Variants in RAI14 observed in about 807,000 individuals in gnomAD.
RAI14 encodes ankycorbin.
In RAI14, 45 loss-of-function variants were observed where a neutral mutation model predicts 115.4. The ratio of observed to expected loss-of-function variants is 0.39; its 90% CI spans 0.31 to 0.50. The LOEUF is 0.50. Among genes scored for constraint, RAI14 ranks in the 20% least tolerant of loss-of-function variants. The probability of loss-of-function intolerance (pLI) is 0.85; values close to 1 mark genes in which losing one functional copy is unlikely to be tolerated. For synonymous variants in RAI14, 371 were observed against 415.4 expected (o/e 0.89, Z 1.30); for missense variants, 939 against 1,131.2 (o/e 0.83, Z 2.44).
chr5:34,771,087 G>GA (rs1490300844), intron 3 of RAI14, among the ~76,000 whole-genome samples: 1 of 152,170 alleles, frequency 6.6e-6, no homozygotes, highest in Non-Finnish European at 1.5e-5. Context: ...TAAAAGGAAA[G>GA]AAGGGAGTCG....
chr5:34,790,767 C>T (rs373406914), intron 3 of RAI14, among the ~76,000 whole-genome samples: 2 of 144,884 alleles, frequency 1.4e-5, no homozygotes, highest in African/African-American at 5.0e-5. Context: ...TGTATATATA[C>T]ATATATATAT....
intron 2 of RAI14, among the ~76,000 whole-genome samples, chr5:34,692,002 C>T (rs1346783500): frequency 6.6e-6 from 1 of 152,192 alleles, no homozygotes; most frequent in Non-Finnish European, 1.5e-5. Context: ...GTGGCTCACA[C>T]CTGTAATCCT....
chr5:34,828,269 C>T (rs1757644852), intron 16 of RAI14, among the ~76,000 whole-genome samples: 2 of 152,044 alleles, frequency 1.3e-5, no homozygotes, highest in South Asian at 4.1e-4. Flanking sequence ...ATGATAGAGG[C>T]AGGGCTACAA....
chr5:34,777,307 G>A (rs1051337532), intron 3 of RAI14, among the ~76,000 whole-genome samples: 1 of 152,086 alleles, frequency 6.6e-6, no homozygotes, highest in Non-Finnish European at 1.5e-5. Flanking sequence ...AAGAAAATGT[G>A]GTACCATATA....
chr5:34,756,666 C>T (rs1747924350), intron 2 of RAI14, among the ~76,000 whole-genome samples: 1 of 152,236 alleles, frequency 6.6e-6, no homozygotes, highest in African/African-American at 2.4e-5. Flanking sequence ...TGCTCCCAAA[C>T]CTTCAGTGGC....
intron 4 of RAI14, among the ~76,000 whole-genome samples, chr5:34,802,285 G>A (rs891852289): frequency 6.6e-6 from 1 of 152,066 alleles, no homozygotes; most frequent in Admixed American, 6.5e-5. Flanking sequence ...GTGCATCTAC[G>A]GCCATACCAC....
intron 14 of RAI14, among the ~76,000 whole-genome samples, 180 bp downstream of exon 14, chr5:34,822,030 A>G (rs1323163797): frequency 6.6e-6 from 1 of 151,304 alleles, no homozygotes; most frequent in Non-Finnish European, 1.5e-5. Context: ...CTCTTTCTGT[A>G]AATTATTCAA....
chr5:34,825,519 A>G (rs1321980787), intron 15 of RAI14, among the ~76,000 whole-genome samples: 1 of 152,104 alleles, frequency 6.6e-6, no homozygotes, highest in Non-Finnish European at 1.5e-5. Context: ...TGTTTCCCTA[A>G]GGTCCATGAG....
chr5:34,759,016 C>A (rs1748259650), intron 3 of RAI14, among the ~76,000 whole-genome samples: 1 of 152,188 alleles, frequency 6.6e-6, no homozygotes, highest in Non-Finnish European at 1.5e-5. Context: ...AATCCCAGCA[C>A]TTTGGGAGGC....
chr5:34,796,462 A>G (rs1580289803), intron 4 of RAI14, among the ~76,000 whole-genome samples: 1 of 151,964 alleles, frequency 6.6e-6, no homozygotes, highest in Non-Finnish European at 1.5e-5. Flanking sequence ...AAAGAGAATC[A>G]CCTCCAATAG....
intron 6 of RAI14, 67 bp downstream of exon 6, chr5:34,807,924 C>A: frequency 7.9e-7 from 1 of 1,263,110 alleles, no homozygotes; most frequent in Non-Finnish European, 1.2e-6. Flanking sequence ...TTTCCTTATT[C>A]AGGCCATTAA....
chr5:34,707,715 C>G (rs1740879000), intron 2 of RAI14, among the ~76,000 whole-genome samples: 1 of 152,232 alleles, frequency 6.6e-6, no homozygotes, highest in African/African-American at 2.4e-5. Flanking sequence ...CAAAATTTAT[C>G]ATCTTCTACT....
rs144322558 is a variant in RAI14 at position 34,768,106 on chromosome 5, T to C, written c.167+10508T>C. On this transcript the variant is annotated intron_variant, in intron 3 of 17. Coordinates refer to ENST00000265109, the MANE Select transcript of RAI14 (RefSeq NM_015577.3). The stretch of plus-strand genomic sequence containing the variant: ...CCGTGAGAGCAGCTGGGTGGGAGGC[T>C]GTACACTGCAAAGCCACAGGGGCGG... Among the ~76,000 whole-genome samples the C allele has an allele frequency of 7.2e-5, 11 of 152,194 alleles. No homozygotes were observed. In the East Asian group the frequency reaches 2.1e-3, roughly 30 times the overall value.
chr5:34,699,552 G>A (rs1739775634), intron 2 of RAI14, among the ~76,000 whole-genome samples: 1 of 152,170 alleles, frequency 6.6e-6, no homozygotes, highest in Admixed American at 6.5e-5. Flanking sequence ...CAGTTGTATG[G>A]GAGTAGGGGC....
Position 34,823,947 on chromosome 5 carries a change from T to A in RAI14, c.2105T>A (p.Met702Lys). The change falls in exon 15 of 18, where the codon ATG (methionine) becomes AAG (lysine). Residue 702 changes from methionine (M) to lysine (K), a missense_variant. Coordinates refer to ENST00000265109, the MANE Select transcript of RAI14 (RefSeq NM_015577.3). The surrounding 1 kb of genome is among the most constrained non-coding windows in gnomAD (Gnocchi z 4.5). Reference sequence around the variant, plus strand: ...AAAGCAGAAGATGCACTGTCTGAAATGAAGTCTCAGTATTCAAAAGTGTTG... The same window carrying A: ...AAAGCAGAAGATGCACTGTCTGAAAAGAAGTCTCAGTATTCAAAAGTGTTG... ...RAKAEDALSE[M>K]KSQYSKVLNE... is the part of the protein sequence containing the mutation. 1 of 1,614,192 alleles carries A rather than the reference T, an allele frequency of 6.2e-7. No homozygotes were observed. The highest frequency in any genetic ancestry group is 8.5e-7 in the Non-Finnish European group (1 of 1,180,034).
At chr5:34,747,128 A>G (rs1046719162) in intron 2 of RAI14, among the ~76,000 whole-genome samples, 1 of 152,220 alleles carries the variant, frequency 6.6e-6, no homozygotes, top group Admixed American at 6.5e-5. Context: ...CAACTAATAC[A>G]GTTCCCTCCT....
chr5:34,811,029 G>A lies in RAI14; in HGVS notation c.468G>A (p.Leu156=). The stretch of plus-strand genomic sequence containing the variant: ...TCTCCTAGGATGGGAATATACCGCT[G>A]CTTCTTGCTGTACAAAATGGTCACA... ...NLKDLDGNIP[L]LLAVQNGHSE... Residue 156 remains leucine, a synonymous_variant, in exon 8 of 18, where the codon CTG becomes CTA. Transcript: ENST00000265109. The A allele has an allele frequency of 6.2e-7, 1 of 1,613,976 alleles. No individual in the cohort carries two copies. Among genetic ancestry groups the A allele is most frequent in the Non-Finnish European group, 8.5e-7 (1 of 1,179,972 alleles).
intron 2 of RAI14, among the ~76,000 whole-genome samples, chr5:34,707,328 G>A (rs1367011226): frequency 2.6e-5 from 4 of 152,190 alleles, no homozygotes; most frequent in Non-Finnish European, 5.9e-5. Flanking sequence ...TTAGCCCGAC[G>A]TGGTGTCAGG....
At chr5:34,742,784 C>T (rs1247133805) in intron 2 of RAI14, among the ~76,000 whole-genome samples, 1 of 152,188 alleles carries the variant, frequency 6.6e-6, no homozygotes, top group African/African-American at 2.4e-5. Context: ...TTGCCTCAGC[C>T]TCCTGAGTAG....
Sources: gnomAD v4.1 joint callset for allele counts (sites outside exome capture counted in the v4.1 genomes callset) on GRCh38, gnomAD v4.1.1 for gene constraint, Gnocchi (gnomAD v3.1) non-coding constraint, MANE v1.5 for transcripts, NCBI Gene and HGNC (gene_info 2026-07-23, HGNC 2026-07-21) for gene names.